The following CRACD variants were observed in gnomAD, a reference collection of about 807,000 sequenced individuals.
CRACD encodes the protein capping protein-inhibiting regulator of actin dynamics.
In CRACD, 56 loss-of-function variants were observed where a neutral mutation model predicts 106.8. The observed-to-expected ratio is 0.52, with a 90% CI of 0.42 to 0.66. CRACD has a LOEUF of 0.66. CRACD is among the 30% of genes least tolerant of loss of function. The pLI is 0.00. For synonymous variants in CRACD, 754 were observed against 670.8 expected (o/e 1.12, Z -1.92); for missense variants, 1,730 against 1,623.2 (o/e 1.07, Z -1.13).
intron 6 of CRACD, among the ~76,000 whole-genome samples, chr4:56,312,561 GACCAAA>G (rs1745231603): frequency 6.6e-6 from 1 of 152,132 alleles, no homozygotes; most frequent in Non-Finnish European, 1.5e-5. Flanking sequence ...ATTGAGCACT[GACCAAA>G]TGAGGTTTGC....
intron 1 of CRACD, among the ~76,000 whole-genome samples, chr4:56,119,810 A>G (rs372331987): frequency 2.6e-5 from 4 of 152,272 alleles, no homozygotes; most frequent in East Asian, 1.9e-4. Context: ...GGCATTTCAT[A>G]CATAATATGT....
chr4:56,081,176 A>G (rs1464556821), intron 1 of CRACD, among the ~76,000 whole-genome samples: 5 of 152,130 alleles, frequency 3.3e-5, no homozygotes, highest in African/African-American at 1.2e-4. Flanking sequence ...TGTTCAAATT[A>G]TCTCATATCA....
At chr4:56,301,247 G>A (rs1156651893) in intron 4 of CRACD, 2 of 1,286,994 alleles carry the variant, frequency 1.6e-6, no homozygotes, top group East Asian at 5.6e-5. Flanking sequence ...GTATGTTCCT[G>A]GTAAGTCGTA....
chr4:56,309,658 A>C (rs11736563), intron 5 of CRACD, among the ~76,000 whole-genome samples: 50,851 of 152,068 alleles, frequency 0.33, 9,171 homozygotes, highest in Non-Finnish European at 0.41. Flanking sequence ...GTTCGAGATC[A>C]GCCTGGCCAA....
chr4:56,251,104 G>C (rs1350482206), intron 2 of CRACD, among the ~76,000 whole-genome samples: 1 of 152,158 alleles, frequency 6.6e-6, no homozygotes, highest in Admixed American at 6.5e-5. Context: ...TTAATACCCT[G>C]ATGGCATATA....
At position 56,314,553 on chromosome 4, in the gene CRACD, G is replaced by T; in HGVS notation, c.1051G>T (p.Glu351Ter). The change falls in exon 8 of 11, where the codon GAA becomes TAA. Residue 351 changes from glutamate to a stop codon, truncating the protein, a stop_gained. Transcript: ENST00000682029. LOFTEE classifies it high-confidence loss of function. This position sits in a 1 kb window ranked among gnomAD's most constrained non-coding sequence, Gnocchi z 4.4. ...GGAGCGGAGGCGGCAGGAGGAGGAG[G>T]AAGGAAGATGCGCGGAGGAGCTCAA... ...LEERRRQEEE[E>*]GRCAEELKRQ... 1 of 1,508,818 alleles carries T rather than the reference G, an allele frequency of 6.6e-7. No homozygotes were observed. The allele number at this position is 1,508,818 out of a possible 1,614,324, so 93.5% of individuals were successfully genotyped here.
At chr4:56,232,191 C>T (rs1009266829) in intron 2 of CRACD, among the ~76,000 whole-genome samples, 1 of 152,132 alleles carries the variant, frequency 6.6e-6, no homozygotes, top group East Asian at 1.9e-4. Flanking sequence ...TTTACATTTT[C>T]TAGAATTTTA....
intron 1 of CRACD, among the ~76,000 whole-genome samples, chr4:56,172,458 A>G (rs1157415339): frequency 1.3e-5 from 2 of 152,118 alleles, no homozygotes; most frequent in African/African-American, 2.4e-5. Flanking sequence ...ATGTGGTTCT[A>G]ACACCCAACC....
rs2109648239 is a variant in CRACD at position 56,272,482 on chromosome 4, G to A, written c.-27G>A. The A allele has an allele frequency of 6.5e-6, 1 of 152,780 alleles. No individual in the cohort carries two copies. The highest frequency in any genetic ancestry group is 1.9e-4 in the East Asian group (1 of 5,180). 9.5% of individuals were successfully genotyped at this position (152,780 alleles called of 1,614,324 possible). A position where few individuals can be genotyped will look rare whatever the true frequency, so the allele number is the denominator to read the frequency against. On this transcript the variant is annotated 5_prime_UTR_variant, in exon 3 of 11. Coordinates refer to ENST00000682029, the MANE Select transcript of CRACD (RefSeq NM_001393381.1). ...CTCTTCGGATGAGGAGACCCTGGAA[G>A]ACAATCTAAGGTAATAACTTGCACT...
rs139960110 is a variant in CRACD, at chr4:56,077,168, C to T, written c.-336+27869C>T. 4.5e-3 allele frequency among the ~76,000 whole-genome samples: 692 copies of T among 152,260 alleles called. 4 individuals carry two copies. Among genetic ancestry groups the T allele is most frequent in the African/African-American group, 0.013 (529 of 41,558 alleles). On this transcript the variant is annotated intron_variant, in intron 1 of 10. Coordinates refer to ENST00000682029, the MANE Select transcript of CRACD (RefSeq NM_001393381.1). ...AAGAGGTTTAATTGACTCACAGTTC[C>T]GCATGGCTGGAGAGGCCTCAGGAAA... is the stretch of plus-strand genomic sequence containing the variant.
intron 3 of CRACD, among the ~76,000 whole-genome samples, chr4:56,276,364 C>T (rs188422023): frequency 1.3e-5 from 2 of 151,984 alleles, no homozygotes; most frequent in African/African-American, 4.8e-5. Flanking sequence ...TTTTACTATG[C>T]GAATGTGTCC....
intron 3 of CRACD, among the ~76,000 whole-genome samples, chr4:56,292,139 T>A (rs1349926493): frequency 6.6e-6 from 1 of 152,250 alleles, no homozygotes; most frequent in African/African-American, 2.4e-5. Flanking sequence ...TTTGTTGTAC[T>A]GTAGCAAATA....
At chr4:56,289,550 G>A (rs1743582954) in intron 3 of CRACD, among the ~76,000 whole-genome samples, 1 of 152,078 alleles carries the variant, frequency 6.6e-6, no homozygotes, top group Non-Finnish European at 1.5e-5. Context: ...GTGCACGCCT[G>A]TATTTCCAGC....
At chr4:56,216,974 G>A (rs1389004033) in intron 2 of CRACD, among the ~76,000 whole-genome samples, 61 of 127,976 alleles carry the variant, frequency 4.8e-4, no homozygotes, top group African/African-American at 1.7e-3. Flanking sequence ...GCGACAGAGC[G>A]AGACTCCGTC....
At position 56,314,266 on chromosome 4, in the gene CRACD, C is replaced by T. The variant is rs1745354258; in HGVS notation, c.764C>T (p.Ala255Val). ...CGCCTAGAGGAGCAGAGGCTGCAGGCGCTGGAGAGGAGGCTTTGGGAAGAG... is the reference window on the plus strand; with the variant it reads ...CGCCTAGAGGAGCAGAGGCTGCAGGTGCTGGAGAGGAGGCTTTGGGAAGAG... Reference protein sequence around the residue: ...KRRLEEQRLQALERRLWEENR... With the variant: ...KRRLEEQRLQVLERRLWEENR... Residue 255 changes from alanine to valine, a missense_variant, in exon 8 of 11, where the codon GCG becomes GTG. Coordinates refer to ENST00000682029, the MANE Select transcript of CRACD (RefSeq NM_001393381.1). The surrounding 1 kb of genome is among the most constrained non-coding windows in gnomAD (Gnocchi z 4.4). The T allele has an allele frequency of 1.3e-6, 2 of 1,566,260 alleles. No individual in the cohort carries two copies. The highest frequency in any genetic ancestry group is 1.7e-6 in the Non-Finnish European group (2 of 1,154,816).
At chr4:56,251,486 A>T (rs558753804) in intron 2 of CRACD, among the ~76,000 whole-genome samples, 4 of 152,362 alleles carry the variant, frequency 2.6e-5, no homozygotes, top group African/African-American at 9.6e-5. Context: ...TGAAGCATAT[A>T]TGAAAAGTAA....
intron 2 of CRACD, among the ~76,000 whole-genome samples, chr4:56,204,812 A>G (rs1317809893): frequency 6.6e-6 from 1 of 152,212 alleles, no homozygotes; most frequent in Non-Finnish European, 1.5e-5. Flanking sequence ...TAAGAGAAGA[A>G]AAGAAGTAAA....
chr4:56,075,433 G>A (rs1732807835), intron 1 of CRACD, among the ~76,000 whole-genome samples: 1 of 152,130 alleles, frequency 6.6e-6, no homozygotes, highest in Non-Finnish European at 1.5e-5. Flanking sequence ...TATGTGTCCA[G>A]GAATTTATCC....
At position 56,323,389 on chromosome 4, in the gene CRACD, T is replaced by C. The variant is rs1368636789; in HGVS notation, c.3200T>C (p.Leu1067Pro). The C allele has an allele frequency of 1.9e-6, 3 of 1,601,984 alleles. No homozygotes were observed. Among genetic ancestry groups the C allele is most frequent in the Admixed American group, 1.8e-5 (1 of 55,498 alleles). ...TTATTCCCCACAGAGAAGCCGATGCTTCAGAGCAGACACTCCTTAGATGGC... is the reference window on the plus strand; with the variant it reads ...TTATTCCCCACAGAGAAGCCGATGCCTCAGAGCAGACACTCCTTAGATGGC... ...PEAGRKEKPMLQSRHSLDGSK... is the reference protein window; with the variant it reads ...PEAGRKEKPMPQSRHSLDGSK... Residue 1067 changes from leucine to proline, a missense_variant, in exon 9 of 11, where the codon CTT (leucine) becomes CCT (proline). Physicochemically the swap from Leu to Pro is moderately conservative, Grantham distance 98. Around this residue, in one of 5 missense-constraint regions of CRACD, gnomAD observed 1,620 missense variants for 1,481.6 expected, o/e 1.09. Coordinates refer to ENST00000682029, the MANE Select transcript of CRACD (RefSeq NM_001393381.1).
Sources: allele counts gnomAD v4.1 joint callset (sites outside exome capture counted in the v4.1 genomes callset), GRCh38; gene constraint gnomAD v4.1.1; regional missense constraint gnomAD v4.1.1; non-coding constraint Gnocchi (gnomAD v3.1); transcripts MANE v1.5; gene names NCBI Gene and HGNC (gene_info 2026-07-23, HGNC 2026-07-21).